Variants in MECOM observed in about 807,000 individuals in gnomAD.
MECOM encodes the protein MDS1 and EVI1 complex locus, also known as histone-lysine N-methyltransferase MECOM.
Under a neutral mutation model 116.3 loss-of-function variants are expected in MECOM, and 13 were observed. The observed-to-expected ratio is 0.11, with a 90% CI of 0.07 to 0.18. The LOEUF is 0.18. Ranked by LOEUF, MECOM falls within the 10% of genes least tolerant of loss-of-function variation. The pLI, the probability that MECOM is intolerant of heterozygous loss-of-function variation, is 1.00. For synonymous variants in MECOM, 528 were observed against 535.2 expected, an observed-to-expected ratio of 0.99 and a Z score of 0.19; for missense variants, 1,299 against 1,509.0, an observed-to-expected ratio of 0.86 and a Z score of 2.31.
chr3:169,362,141 G>A (rs1271335641), intron 2 of MECOM, among the ~76,000 whole-genome samples: 1 of 151,784 alleles, frequency 6.6e-6, no homozygotes, highest in Non-Finnish European at 1.5e-5. Context: ...CAATATATTA[G>A]GTTGGTGTAA....
intron 2 of MECOM, among the ~76,000 whole-genome samples, chr3:169,306,826 G>A (rs1456352493): frequency 6.6e-6 from 1 of 152,092 alleles, no homozygotes; most frequent in Non-Finnish European, 1.5e-5. Flanking sequence ...TCAAAGTGTG[G>A]GCAAGGCCTA....
At chr3:169,578,995 A>G (rs1764817900) in intron 1 of MECOM, among the ~76,000 whole-genome samples, 1 of 152,224 alleles carries the variant, frequency 6.6e-6, no homozygotes, top group Non-Finnish European at 1.5e-5. Flanking sequence ...AATGTTTGAT[A>G]CAAATCCCAG....
intron 2 of MECOM, chr3:169,146,935 C>T: frequency 3.9e-6 from 4 of 1,022,002 alleles, no homozygotes; most frequent in Non-Finnish European, 4.7e-6. Flanking sequence ...CAACTTTGTC[C>T]GTCTCTAGGA....
chr3:169,519,282 C>T (rs1757066663), intron 1 of MECOM, among the ~76,000 whole-genome samples: 1 of 152,070 alleles, frequency 6.6e-6, no homozygotes, highest in Admixed American at 6.6e-5. Context: ...CTCATCCAGC[C>T]CTTCATTTTA....
chr3:169,264,366 T>C (rs1181365459), intron 2 of MECOM, among the ~76,000 whole-genome samples: 3 of 152,234 alleles, frequency 2.0e-5, no homozygotes, highest in Non-Finnish European at 4.4e-5. Flanking sequence ...TCCCTTCTTT[T>C]ACTTCTCAGT....
intron 2 of MECOM, among the ~76,000 whole-genome samples, chr3:169,208,612 A>T (rs953144466): frequency 1.3e-5 from 2 of 152,010 alleles, no homozygotes; most frequent in Admixed American, 1.3e-4. Context: ...TAAAGTAAGG[A>T]TCAAAATATC....
intron 2 of MECOM, among the ~76,000 whole-genome samples, chr3:169,158,926 T>G (rs900787108): frequency 1.3e-5 from 2 of 152,202 alleles, no homozygotes; most frequent in African/African-American, 4.8e-5. Context: ...CCGAGGTTCA[T>G]GGCTCTCATA....
chr3:169,522,429 C>G (rs903046015), intron 1 of MECOM, among the ~76,000 whole-genome samples: 3 of 152,004 alleles, frequency 2.0e-5, no homozygotes, highest in Non-Finnish European at 4.4e-5. Context: ...ATATCAGACC[C>G]ATTATTGATA....
chr3:169,089,295 A>T, intron 15 of MECOM, 112 bp from the exon 16 acceptor site: 2 of 666,084 alleles, frequency 3.0e-6, no homozygotes, highest in South Asian at 5.1e-5. Context: ...TGTATCTGCA[A>T]GGTAAAGTAG....
At chr3:169,160,640 A>G (rs1255326923) in intron 2 of MECOM, among the ~76,000 whole-genome samples, 1 of 150,332 alleles carries the variant, frequency 6.7e-6, no homozygotes, top group Admixed American at 6.6e-5. Context: ...TAACTAAAAT[A>G]ATATATTGTA....
chr3:169,304,399 C>T (rs1196552766), intron 2 of MECOM, among the ~76,000 whole-genome samples: 1 of 152,122 alleles, frequency 6.6e-6, no homozygotes, highest in Non-Finnish European at 1.5e-5. Context: ...GTTCTTTCAA[C>T]CTTATTGACC....
intron 2 of MECOM, among the ~76,000 whole-genome samples, chr3:169,371,780 T>C (rs1228918832): frequency 1.3e-5 from 2 of 152,028 alleles, no homozygotes; most frequent in Non-Finnish European, 2.9e-5. Context: ...ACATTATTTG[T>C]CAGCCTCCTG....
At chr3:169,289,493 T>C (rs1714065612) in intron 2 of MECOM, among the ~76,000 whole-genome samples, 1 of 152,228 alleles carries the variant, frequency 6.6e-6, no homozygotes. Flanking sequence ...TTTATATGGA[T>C]GAACCTCTTT....
At chr3:169,475,645 C>A (rs1022507385) in intron 1 of MECOM, among the ~76,000 whole-genome samples, 1 of 151,786 alleles carries the variant, frequency 6.6e-6, no homozygotes, top group African/African-American at 2.4e-5. Context: ...CGCAATCATT[C>A]CTTAAATGCA....
In MECOM at chr3:169,550,820, CTT is replaced by C. The variant is rs35343157; in HGVS notation, c.37+112514_37+112515del. On this transcript the variant is annotated intron_variant, in intron 1 of 16. Coordinates refer to ENST00000651503, the MANE Select transcript of MECOM (RefSeq NM_004991.4). ...ATAAATGAGAGACAGGTTCCCTTTC[CTT>C]TTTTTTTTTTTTTTTTTTTGAGACG... Among the ~76,000 whole-genome samples the C allele has an allele frequency of 7.2e-3, 664 of 91,660 alleles. 6 individuals are homozygous for C. The highest frequency in any genetic ancestry group is 0.023 in the African/African-American group (581 of 25,014). The allele number at this position is 91,660 out of a possible 152,430, so 60.1% of individuals were successfully genotyped here. A position where few individuals can be genotyped will look rare whatever the true frequency, so the allele number is the denominator to read the frequency against.
intron 2 of MECOM, among the ~76,000 whole-genome samples, chr3:169,311,917 A>T (rs2149732538): frequency 6.6e-6 from 1 of 152,310 alleles, no homozygotes; most frequent in African/African-American, 2.4e-5. Context: ...AAAAATAATA[A>T]CCCAAAGGCC....
At chr3:169,198,350 G>T (rs1748707068) in intron 2 of MECOM, among the ~76,000 whole-genome samples, 1 of 151,956 alleles carries the variant, frequency 6.6e-6, no homozygotes, top group Non-Finnish European at 1.5e-5. Context: ...CTAGGGAAAA[G>T]AAAAAGTCAG....
intron 1 of MECOM, among the ~76,000 whole-genome samples, chr3:169,391,451 C>G (rs1037930769): frequency 2.0e-5 from 3 of 152,028 alleles, no homozygotes; most frequent in Admixed American, 6.6e-5. Flanking sequence ...TTTCTGCCCC[C>G]ATTCTAAGCT....
chr3:169,134,002 C>T (rs912879572), intron 3 of MECOM: 10 of 1,263,446 alleles, frequency 7.9e-6, no homozygotes, highest in Middle Eastern at 4.3e-4. Flanking sequence ...TAGAACTTTT[C>T]GGTGGCTTCT....
Sources: allele counts gnomAD v4.1 joint callset (sites outside exome capture counted in the v4.1 genomes callset), GRCh38; gene constraint gnomAD v4.1.1; transcripts MANE v1.5; gene names NCBI Gene and HGNC (gene_info 2026-07-23, HGNC 2026-07-21).